The following INPP1 variants were observed in gnomAD, a reference collection of about 807,000 sequenced individuals.
INPP1 encodes the protein inositol polyphosphate 1-phosphatase.
Under a neutral mutation model 23.0 loss-of-function variants are expected in INPP1, and 18 were observed. The ratio of observed to expected loss-of-function variants is 0.78; its 90% CI spans 0.54 to 1.16. The LOEUF is 1.16. Among genes scored for constraint, INPP1 ranks in the 50% most tolerant of loss-of-function variants. INPP1 has a pLI of 0.00. For synonymous variants in INPP1, 164 were observed against 176.3 expected, an observed-to-expected ratio of 0.93 and a Z score of 0.55; for missense variants, 448 against 482.1, an observed-to-expected ratio of 0.93 and a Z score of 0.66.
chr2:190,351,269 G>A (rs1386394465), intron 2 of INPP1, among the ~76,000 whole-genome samples: 4 of 152,240 alleles, frequency 2.6e-5, no homozygotes, highest in Non-Finnish European at 4.4e-5. Flanking sequence ...AGTCAGAAAT[G>A]TCTCCTGAAG....
intron 4 of INPP1, among the ~76,000 whole-genome samples, chr2:190,364,282 G>A (rs1045526607): frequency 6.6e-6 from 1 of 152,152 alleles, no homozygotes. Flanking sequence ...GCTCACGCCT[G>A]TAATCCCAGC....
intron 2 of INPP1, among the ~76,000 whole-genome samples, chr2:190,353,559 T>G (rs1000973284): frequency 6.6e-6 from 1 of 152,260 alleles, no homozygotes; most frequent in Non-Finnish European, 1.5e-5. Context: ...ATTTATTATC[T>G]GCCATGTGTA....
At chr2:190,350,914 C>G (rs1689313442) in intron 2 of INPP1, among the ~76,000 whole-genome samples, 1 of 152,128 alleles carries the variant, frequency 6.6e-6, no homozygotes, top group African/African-American at 2.4e-5. Flanking sequence ...GGTTCAGTTG[C>G]TAGTTATTCA....
At chr2:190,362,576 G>T (rs757146382) in intron 3 of INPP1, 51 bp from the exon 4 acceptor site, 1 of 1,067,812 alleles carries the variant, frequency 9.4e-7, no homozygotes, top group Admixed American at 2.0e-5. Context: ...TCAGAATTGA[G>T]CATATGTGTG....
rs1689504740 is a variant in INPP1 at position 190,360,077 on chromosome 2, C to A, written c.-26C>A. On this transcript the variant is annotated 5_prime_UTR_variant, in exon 3 of 7. It adds an upstream start codon to the 5' untranslated region. Coordinates refer to ENST00000392329, the MANE Select transcript of INPP1 (RefSeq NM_001128928.2). ...GGGTGGGTGCCAATTCCACCAGCAG[C>A]TGCAACTGAAAAGCAAGGTTCAGAA... The A allele has an allele frequency of 6.2e-7, 1 of 1,608,230 alleles. No homozygotes were observed. The highest frequency in any genetic ancestry group is 1.7e-5 in the Admixed American group (1 of 59,964).
chr2:190,365,456 C>G (rs1411903584), intron 4 of INPP1, among the ~76,000 whole-genome samples: 1 of 152,148 alleles, frequency 6.6e-6, no homozygotes, highest in African/African-American at 2.4e-5. Context: ...CAGACACGGA[C>G]AGGGTGACTT....
chr2:190,364,597 T>TATTTTA (rs201819052), intron 4 of INPP1, among the ~76,000 whole-genome samples: 1 of 91,304 alleles, frequency 1.1e-5, no homozygotes, highest in African/African-American at 5.3e-5. Flanking sequence ...CTGATTTTTT[T>TATTTTA]TTTTTTTTTG....
In INPP1 at chr2:190,345,732, G is replaced by A. The variant is rs946378979; in HGVS notation, c.-209+1771G>A. On this transcript the variant is annotated intron_variant, in intron 1 of 6. Transcript: ENST00000392329. This position sits in a 1 kb window ranked among gnomAD's most constrained non-coding sequence, Gnocchi z 4.9. Reference sequence around the variant, plus strand: ...GGCTCTGGCTGGCGTGGTGGCTCACGCCTGTTATCCCTGCACTTTGGGAGG... The same window carrying A: ...GGCTCTGGCTGGCGTGGTGGCTCACACCTGTTATCCCTGCACTTTGGGAGG... 2.0e-5 allele frequency among the ~76,000 whole-genome samples: 3 copies of A among 152,220 alleles called. No individual in the cohort carries two copies. The highest frequency in any genetic ancestry group is 2.9e-5 in the Non-Finnish European group (2 of 68,038).
Position 190,346,731 on chromosome 2 carries a change from C to T in INPP1, c.-208-2157C>T, listed in dbSNP as rs909146544. On this transcript the variant is annotated intron_variant, in intron 1 of 6. Coordinates refer to ENST00000392329, the MANE Select transcript of INPP1 (RefSeq NM_001128928.2). The surrounding 1 kb of genome is among the most constrained non-coding windows in gnomAD (Gnocchi z 5.1). ...TCAAGGAATCCTCCCACCCCAGCCT[C>T]CCGAGTGTCTGGGACTACAGGCACG... Among the ~76,000 whole-genome samples, 36 of 152,168 alleles carry T rather than the reference C, an allele frequency of 2.4e-4. No homozygotes were observed. The highest frequency in any genetic ancestry group is 8.2e-4 in the African/African-American group (34 of 41,516).
At chr2:190,370,807 G>A in intron 6 of INPP1, 37 bp from the exon 7 acceptor site, 1 of 1,459,546 alleles carries the variant, frequency 6.9e-7, no homozygotes, top group South Asian at 1.3e-5. Context: ...AAAAACAAAT[G>A]TGATAATCAT....
chr2:190,344,435 G>A (rs1399754308), intron 1 of INPP1, among the ~76,000 whole-genome samples: 1 of 152,248 alleles, frequency 6.6e-6, no homozygotes, highest in Admixed American at 6.5e-5. Context: ...TTTGAGAGAT[G>A]CATCTGAGTG....
At chr2:190,370,295 GAC>G (rs1689775791) in intron 6 of INPP1, among the ~76,000 whole-genome samples, 1 of 152,144 alleles carries the variant, frequency 6.6e-6, no homozygotes, top group Non-Finnish European at 1.5e-5. Context: ...TAACAACATA[GAC>G]AGTAAGTTAA....
rs1308460673 is a variant in INPP1, at chr2:190,360,326, A to G, written c.204+20A>G. ...AACAAGGTAAGAAAGGTCATAGCCAAGGTAACTGCAAAATAGTTGCATCTG... is the reference window on the plus strand; with the variant it reads ...AACAAGGTAAGAAAGGTCATAGCCAGGGTAACTGCAAAATAGTTGCATCTG... On this transcript the variant is annotated intron_variant, in intron 3 of 6. Coordinates refer to ENST00000392329, the MANE Select transcript of INPP1 (RefSeq NM_001128928.2). 1 of 1,607,660 alleles carries G rather than the reference A, an allele frequency of 6.2e-7. No individual in the cohort carries two copies. The highest frequency in any genetic ancestry group is 1.7e-5 in the Admixed American group (1 of 59,930).
intron 1 of INPP1, among the ~76,000 whole-genome samples, chr2:190,348,310 A>C (rs537027674): frequency 6.6e-6 from 1 of 152,222 alleles, no homozygotes; most frequent in South Asian, 2.1e-4. Flanking sequence ...TAGATGATAA[A>C]CATCAAAAGC....
rs1367728611 is a variant in INPP1, at chr2:190,363,714, C to G, written c.265+1027C>G. On this transcript the variant is annotated intron_variant, in intron 4 of 6. Coordinates refer to ENST00000392329, the MANE Select transcript of INPP1 (RefSeq NM_001128928.2). This position sits in a 1 kb window ranked among gnomAD's most constrained non-coding sequence, Gnocchi z 4.4. ...TAATACGGGAAAGAAATCTTTTAAA[C>G]CTCTGAAGGTTAAAAATAACACTTA... is the stretch of plus-strand genomic sequence containing the variant. Among the ~76,000 whole-genome samples, 1 of 152,124 alleles carries G rather than the reference C, an allele frequency of 6.6e-6. No individual in the cohort carries two copies. The highest frequency in any genetic ancestry group is 1.5e-5 in the Non-Finnish European group (1 of 68,022).
chr2:190,365,942 T>G (rs573463543), intron 4 of INPP1, among the ~76,000 whole-genome samples: 5 of 118,810 alleles, frequency 4.2e-5, no homozygotes, highest in African/African-American at 1.3e-4. Context: ...TCTCGCTCAC[T>G]GTCTGTCTCA....
intron 6 of INPP1, 146 bp from the exon 7 acceptor site, chr2:190,370,698 T>G: frequency 1.5e-6 from 1 of 669,516 alleles, no homozygotes; most frequent in African/African-American, 1.8e-5. Flanking sequence ...ACTAGCTACC[T>G]GATATCTATT....
intron 2 of INPP1, among the ~76,000 whole-genome samples, chr2:190,350,183 AT>A (rs960572762): frequency 2.0e-5 from 3 of 152,178 alleles, no homozygotes; most frequent in African/African-American, 7.2e-5. Flanking sequence ...CTTTTTCACA[AT>A]TTTCAGATGA....
chr2:190,358,500 G>T (rs577894423), intron 2 of INPP1, among the ~76,000 whole-genome samples: 2 of 152,228 alleles, frequency 1.3e-5, no homozygotes, highest in Non-Finnish European at 2.9e-5. Flanking sequence ...TTACAGGCGT[G>T]AGCCACCATA....
Sources: allele counts gnomAD v4.1 joint callset (sites outside exome capture counted in the v4.1 genomes callset), GRCh38; gene constraint gnomAD v4.1.1; non-coding constraint Gnocchi (gnomAD v3.1); transcripts MANE v1.5; gene names NCBI Gene and HGNC (gene_info 2026-07-23, HGNC 2026-07-21).